Variants in SRCIN1 observed in about 807,000 individuals in gnomAD.
SRCIN1 encodes SRC kinase signaling inhibitor 1.
In SRCIN1, 50 loss-of-function variants were observed where a neutral mutation model predicts 116.2. The ratio of observed to expected loss-of-function variants is 0.43; its 90% CI spans 0.34 to 0.54. The LOEUF (loss-of-function observed/expected upper bound fraction) is 0.54. Among genes scored for constraint, SRCIN1 ranks in the 20% least tolerant of loss-of-function variants. The pLI, the probability that SRCIN1 is intolerant of heterozygous loss-of-function variation, is 0.02. For synonymous variants in SRCIN1, 736 were observed against 750.0 expected (o/e 0.98, Z 0.30); for missense variants, 1,446 against 1,672.0 (o/e 0.86, Z 2.36).
Position 38,543,809 on chromosome 17 carries a change from G to A in SRCIN1, c.3417+14C>T, listed in dbSNP as rs754365167. 2.5e-6 allele frequency: 4 copies of A among 1,602,724 alleles called. No homozygotes were observed. Among genetic ancestry groups the A allele is most frequent in the South Asian group, 1.1e-5 (1 of 90,834 alleles). On this transcript the variant is annotated intron_variant, in intron 18 of 18. Transcript: ENST00000617146. ...AGAGTGGGCCTGGGTGGCCCCCACA[G>A]TCCCCGCCCTCACCTGCTGCTGGGC... is the stretch of plus-strand genomic sequence containing the variant.
chr17:38,600,716 G>A (rs1468476744), intron 1 of SRCIN1, among the ~76,000 whole-genome samples: 1 of 152,230 alleles, frequency 6.6e-6, no homozygotes, highest in Non-Finnish European at 1.5e-5. Context: ...AGGCCTCCGT[G>A]GGGTTCTGCA....
rs1292841109 is a variant in SRCIN1 at position 38,532,412 on chromosome 17, G to A, written c.*885C>T. 2 of 152,576 alleles carry A rather than the reference G, an allele frequency of 1.3e-5. No individual in the cohort carries two copies. The highest frequency in any genetic ancestry group is 3.8e-4 in the East Asian group (2 of 5,202). 9.5% of individuals were successfully genotyped at this position (152,576 alleles called of 1,614,324 possible). On this transcript the variant is annotated 3_prime_UTR_variant, in exon 19 of 19. Coordinates refer to ENST00000617146, the MANE Select transcript of SRCIN1 (RefSeq NM_025248.3). This position sits in a 1 kb window ranked among gnomAD's most constrained non-coding sequence, Gnocchi z 4.3. ...ATTCAATAAGTTAATGCCATTTAAA[G>A]TGCTAAATCAGGAAACTAAAAGTAC...
chr17:38,575,027 T>TG (rs896024660), intron 2 of SRCIN1: 2 of 400,104 alleles, frequency 5.0e-6, no homozygotes, highest in Non-Finnish European at 8.8e-6. Flanking sequence ...CAGGAGCCGC[T>TG]GGGGTACTGT....
rs1906156377 is a variant in SRCIN1, at chr17:38,560,430, G to T, written c.1701-5C>A. On this transcript the variant is annotated splice_region_variant and splice_polypyrimidine_tract_variant and intron_variant, in intron 7 of 18. Transcript: ENST00000617146. The stretch of plus-strand genomic sequence containing the variant: ...TCCATGGCCTCCATGCGCTCCCTGG[G>T]GAGGAAGGGGGTCTGGGCAACCTCG... The T allele has an allele frequency of 6.2e-7, 1 of 1,605,646 alleles. No homozygotes were observed. The highest frequency in any genetic ancestry group is 1.7e-5 in the Admixed American group (1 of 58,956).
chr17:38,546,287 A>AGGCC (rs1196608545), intron 17 of SRCIN1, among the ~76,000 whole-genome samples: 2 of 152,176 alleles, frequency 1.3e-5, no homozygotes, highest in Non-Finnish European at 2.9e-5. Context: ...ACTTCACCCA[A>AGGCC]GGCCACCCAC....
chr17:38,605,640 T>C, intron 1 of SRCIN1, 44 bp downstream of exon 1: 1 of 1,364,928 alleles, frequency 7.3e-7, no homozygotes, highest in Non-Finnish European at 9.6e-7. Context: ...TACCTTCCAC[T>C]TAAGCATGGA....
intron 18 of SRCIN1, 37 bp downstream of exon 18, chr17:38,543,786 A>G (rs1904896543): frequency 6.3e-7 from 1 of 1,594,680 alleles, no homozygotes; most frequent in East Asian, 2.2e-5. Context: ...CATGCAGCAG[A>G]GTGGGCCTGG....
intron 1 of SRCIN1, 93 bp from the exon 2 acceptor site, chr17:38,578,884 C>T: frequency 7.2e-7 from 1 of 1,393,870 alleles, no homozygotes; most frequent in South Asian, 1.5e-5. Flanking sequence ...AGGGGCGGGG[C>T]CTGGGCCTAA....
Position 38,551,114 on chromosome 17 carries a change from C to A in SRCIN1, c.2962+41G>T, listed in dbSNP as rs758095079. 1.8e-5 allele frequency: 16 copies of A among 867,876 alleles called. No individual in the cohort carries two copies. In the African/African-American group the frequency reaches 2.7e-4, roughly 14 times the overall value. The allele number at this position is 867,876 out of a possible 1,614,324, so 53.8% of individuals were successfully genotyped here. Reference sequence around the variant, plus strand: ...GCCTGGGCTCCTGAGGAGGGCACTCCCCCACGCTGGGCTCCTTACCAGCCC... The same window carrying A: ...GCCTGGGCTCCTGAGGAGGGCACTCACCCACGCTGGGCTCCTTACCAGCCC... On this transcript the variant is annotated intron_variant, in intron 15 of 18. Transcript: ENST00000617146.
At chr17:38,569,825 C>A (rs1248697598) in intron 2 of SRCIN1, among the ~76,000 whole-genome samples, 1 of 152,158 alleles carries the variant, frequency 6.6e-6, no homozygotes, top group East Asian at 1.9e-4. Context: ...TAGGGGAGAC[C>A]AGGGACCAAG....
chr17:38,534,137 A>G (rs568547651), intron 18 of SRCIN1, among the ~76,000 whole-genome samples: 1 of 152,268 alleles, frequency 6.6e-6, no homozygotes, highest in African/African-American at 2.4e-5. Flanking sequence ...GGTCAGTTCT[A>G]GTGGTCAGAA....
intron 17 of SRCIN1, chr17:38,545,263 G>T (rs1205432255): frequency 1.3e-5 from 2 of 153,064 alleles, no homozygotes; most frequent in East Asian, 3.8e-4. Flanking sequence ...CGGCCCAGAA[G>T]TCTCCCCCAC....
At chr17:38,550,609 T>A (rs1905330600) in intron 15 of SRCIN1, among the ~76,000 whole-genome samples, 3 of 152,222 alleles carry the variant, frequency 2.0e-5, no homozygotes, top group African/African-American at 7.2e-5. Context: ...GTCAGTGTTA[T>A]TCCCCCCACT....
intron 8 of SRCIN1, 56 bp downstream of exon 8, chr17:38,560,277 C>T: frequency 1.3e-6 from 2 of 1,538,034 alleles, no homozygotes; most frequent in South Asian, 1.2e-5. Context: ...GCCCATTTCC[C>T]CTTCCTCCTG....
chr17:38,568,258 G>A lies in SRCIN1; in HGVS notation c.325-27C>T, dbSNP rs146080104. ...TGCTGATGGAAATAAGAGAAGAGAT[G>A]GTTATGAGGGGGCCCAGGAGGGGAA... is the stretch of plus-strand genomic sequence containing the variant. On this transcript the variant is annotated intron_variant, in intron 2 of 18. Transcript: ENST00000617146. The surrounding 1 kb of genome is among the most constrained non-coding windows in gnomAD (Gnocchi z 4.5). 2.2e-3 allele frequency: 3,548 copies of A among 1,611,412 alleles called. 3 individuals carry two copies. Among genetic ancestry groups the A allele is most frequent in the Non-Finnish European group, 2.6e-3 (3,066 of 1,178,830 alleles).
chr17:38,566,866 T>TTTCGTTTCCTTCCTTCC (rs1555609840), intron 3 of SRCIN1, among the ~76,000 whole-genome samples: 3 of 131,920 alleles, frequency 2.3e-5, no homozygotes, highest in Non-Finnish European at 3.2e-5. Flanking sequence ...TTTTGTTTCG[T>TTTCGTTTCCTTCCTTCC]TTCCTTCCTT....
chr17:38,601,466 C>T (rs1355922654), intron 1 of SRCIN1, among the ~76,000 whole-genome samples: 1 of 151,530 alleles, frequency 6.6e-6, no homozygotes, highest in East Asian at 1.9e-4. Context: ...TGGGGGGCCG[C>T]GCGGTTGGAG....
intron 2 of SRCIN1, among the ~76,000 whole-genome samples, chr17:38,570,031 C>T (rs8081086): frequency 0.078 from 11,806 of 152,182 alleles, 479 homozygotes; most frequent in Middle Eastern, 0.099. Flanking sequence ...CAGGCACGGG[C>T]GGCGCACACA....
intron 1 of SRCIN1, among the ~76,000 whole-genome samples, chr17:38,581,532 A>G (rs1240813014): frequency 1.3e-5 from 2 of 151,838 alleles, no homozygotes; most frequent in Non-Finnish European, 2.9e-5. Context: ...TAGAAGGTCA[A>G]ACCAGTGATT....
Sources: allele counts gnomAD v4.1 joint callset (sites outside exome capture counted in the v4.1 genomes callset), GRCh38; gene constraint gnomAD v4.1.1; non-coding constraint Gnocchi (gnomAD v3.1); transcripts MANE v1.5; gene names NCBI Gene and HGNC (gene_info 2026-07-23, HGNC 2026-07-21).